Variants in TEC observed in about 807,000 individuals in gnomAD.
TEC encodes tec protein tyrosine kinase, also known as tyrosine-protein kinase Tec.
TEC carries 72 observed loss-of-function variants against 93.0 expected under a neutral mutation model. The ratio of observed to expected loss-of-function variants is 0.77; its 90% CI spans 0.64 to 0.94. The LOEUF is 0.94. Ranked by LOEUF, TEC falls within the 40% of genes least tolerant of loss-of-function variation. The pLI is 0.00. For synonymous variants in TEC, 249 were observed against 247.7 expected (o/e 1.01, Z -0.05); for missense variants, 630 against 757.9 (o/e 0.83, Z 1.98).
At chr4:48,247,001 T>C (rs1379400474) in intron 1 of TEC, among the ~76,000 whole-genome samples, 3 of 152,180 alleles carry the variant, frequency 2.0e-5, no homozygotes, top group African/African-American at 7.2e-5. Context: ...ATATATCTGA[T>C]AATGGTCTAG....
At chr4:48,226,993 G>A (rs1432801688) in intron 2 of TEC, among the ~76,000 whole-genome samples, 1 of 152,134 alleles carries the variant, frequency 6.6e-6, no homozygotes, top group Non-Finnish European at 1.5e-5. Flanking sequence ...AGTCCCAGCA[G>A]GGACTAGGGC....
intron 1 of TEC, among the ~76,000 whole-genome samples, chr4:48,231,192 T>C (rs1202933496): frequency 2.0e-5 from 3 of 152,188 alleles, no homozygotes; most frequent in Non-Finnish European, 4.4e-5. Flanking sequence ...CACTGAACTC[T>C]TGTACCTCTT....
intron 2 of TEC, among the ~76,000 whole-genome samples, chr4:48,215,048 G>A (rs571784589): frequency 2.6e-5 from 4 of 152,138 alleles, no homozygotes; most frequent in African/African-American, 7.2e-5. Context: ...AGCTACGTGG[G>A]AGGCTGAGGC....
chr4:48,173,343 T>C (rs1381406862), intron 3 of TEC, among the ~76,000 whole-genome samples: 2 of 152,214 alleles, frequency 1.3e-5, no homozygotes, highest in Non-Finnish European at 2.9e-5. Context: ...TTTCGATAAC[T>C]AAAACTAGCT....
rs139178913 is a variant in TEC, at chr4:48,261,688, G to A, written c.-46+8064C>T. 4.0e-4 allele frequency among the ~76,000 whole-genome samples: 61 copies of A among 152,252 alleles called. No homozygotes were observed. The East Asian group carries it at 0.011, about 28-fold the overall frequency. On this transcript the variant is annotated intron_variant, in intron 1 of 17. Coordinates refer to ENST00000381501, the MANE Select transcript of TEC (RefSeq NM_003215.3). ...AATAAAAGGAGTAGGATACTTGACA[G>A]GGAGTTTCACCTTGTAAGTATCTCA...
intron 2 of TEC, among the ~76,000 whole-genome samples, chr4:48,198,537 T>C (rs1359776385): frequency 2.6e-5 from 4 of 152,242 alleles, no homozygotes; most frequent in African/African-American, 9.6e-5. Flanking sequence ...GTCATATCTT[T>C]ACAATTTACC....
chr4:48,228,541 T>C lies in TEC; in HGVS notation c.74A>G (p.Asn25Ser), dbSNP rs1322388850. The change falls in exon 2 of 18, where the codon AAC (asparagine) becomes AGC (serine). Residue 25 changes from asparagine to serine, a missense_variant. By Grantham distance (46) the Asn-to-Ser change is conservative. Around this residue, in one of 3 missense-constraint regions of TEC, gnomAD observed 335 missense variants for 351.5 expected, o/e 0.95. Transcript: ENST00000381501. ...AAGTACAAAAAGTCTCTCTTTGTAG[T>C]TTAAGGGCGATGTCTTCTTTTTCTG... is the stretch of plus-strand genomic sequence containing the variant. ...SQQKKKTSPL[N>S]YKERLFVLTK... The C allele has an allele frequency of 6.2e-7, 1 of 1,613,830 alleles. No homozygotes were observed. Among genetic ancestry groups the C allele is most frequent in the Non-Finnish European group, 8.5e-7 (1 of 1,179,992 alleles).
chr4:48,140,076 A>G (rs1382352943), intron 15 of TEC, among the ~76,000 whole-genome samples: 1 of 152,282 alleles, frequency 6.6e-6, no homozygotes, highest in Non-Finnish European at 1.5e-5. Flanking sequence ...ATCTGTATAT[A>G]AAAGCAAATA....
chr4:48,161,721 T>C lies in TEC; in HGVS notation c.737+1981A>G, dbSNP rs936676038. Among the ~76,000 whole-genome samples, 3 of 152,066 alleles carry C rather than the reference T, an allele frequency of 2.0e-5. No homozygotes were observed. In the East Asian group the frequency reaches 5.8e-4, roughly 29 times the overall value. On this transcript the variant is annotated intron_variant, in intron 8 of 17. Coordinates refer to ENST00000381501, the MANE Select transcript of TEC (RefSeq NM_003215.3). ...GCTCCTGGGTGTGTCCATGACGGTG[T>C]TGCCAAAGGAGATTAACATTTGGGT...
chr4:48,205,393 G>A (rs2109602470), intron 2 of TEC, among the ~76,000 whole-genome samples: 1 of 152,302 alleles, frequency 6.6e-6, no homozygotes, highest in East Asian at 1.9e-4. Flanking sequence ...AGGGGCCGGA[G>A]ATCTGCCATA....
chr4:48,192,680 A>AG (rs763801191), intron 2 of TEC, among the ~76,000 whole-genome samples: 1 of 152,250 alleles, frequency 6.6e-6, no homozygotes, highest in African/African-American at 2.4e-5. Flanking sequence ...AAGATTAAGC[A>AG]AAATAACTCT....
Position 48,232,310 on chromosome 4 carries a change from C to CA in TEC, c.-45-3652dup, listed in dbSNP as rs59709229. Among the ~76,000 whole-genome samples the CA allele has an allele frequency of 5.9e-3, 868 of 148,054 alleles. 3 individuals are homozygous for CA. The highest frequency in any genetic ancestry group is 0.024 in the Middle Eastern group (7 of 290). On this transcript the variant is annotated intron_variant, in intron 1 of 17. Coordinates refer to ENST00000381501, the MANE Select transcript of TEC (RefSeq NM_003215.3). ...TCTCAAAAAAACAAAAAAAACAAAACAAAAAAAAAACACCTTATCTGACAT... is the reference window on the plus strand; with the variant it reads ...TCTCAAAAAAACAAAAAAAACAAAACAAAAAAAAAAACACCTTATCTGACAT...
chr4:48,260,265 A>T (rs1373767745), intron 1 of TEC, among the ~76,000 whole-genome samples: 1 of 152,218 alleles, frequency 6.6e-6, no homozygotes, highest in Non-Finnish European at 1.5e-5. Context: ...GAGTTATTTT[A>T]TGACCTTCTA....
At chr4:48,246,305 C>T (rs2109663114) in intron 1 of TEC, among the ~76,000 whole-genome samples, 1 of 152,256 alleles carries the variant, frequency 6.6e-6, no homozygotes, top group Non-Finnish European at 1.5e-5. Flanking sequence ...AGACATCCCA[C>T]ATTCGTGGAT....
intron 2 of TEC, among the ~76,000 whole-genome samples, chr4:48,187,465 A>T (rs1721929897): frequency 6.6e-6 from 1 of 152,044 alleles, no homozygotes; most frequent in African/African-American, 2.4e-5. Flanking sequence ...ATATGAAGGC[A>T]AAAATTTCAT....
At chr4:48,224,923 G>A (rs1316506792) in intron 2 of TEC, among the ~76,000 whole-genome samples, 2 of 152,140 alleles carry the variant, frequency 1.3e-5, no homozygotes, top group South Asian at 2.1e-4. Context: ...ACGAGTATTA[G>A]TGGCACTTGG....
intron 7 of TEC, among the ~76,000 whole-genome samples, chr4:48,167,331 A>T (rs961212176): frequency 1.3e-5 from 2 of 152,074 alleles, no homozygotes. Flanking sequence ...TCATGGAGAG[A>T]GAGAAAGAAG....
At chr4:48,157,240 C>T (rs1720439615) in intron 8 of TEC, among the ~76,000 whole-genome samples, 1 of 152,178 alleles carries the variant, frequency 6.6e-6, no homozygotes. Context: ...TTATTCCAAG[C>T]CCTCCTCCTA....
At chr4:48,170,711 T>C (rs1015158377) in intron 4 of TEC, among the ~76,000 whole-genome samples, 2 of 152,196 alleles carry the variant, frequency 1.3e-5, no homozygotes, top group Non-Finnish European at 2.9e-5. Flanking sequence ...GAATATGTCA[T>C]TCCATCCACA....
Sources: allele counts gnomAD v4.1 joint callset (sites outside exome capture counted in the v4.1 genomes callset), GRCh38; gene constraint gnomAD v4.1.1; regional missense constraint gnomAD v4.1.1; transcripts MANE v1.5; gene names NCBI Gene and HGNC (gene_info 2026-07-23, HGNC 2026-07-21).